COP1: variants seen among roughly 807,000 people sequenced by gnomAD.
The protein encoded by COP1 is E3 ubiquitin-protein ligase COP1.
In COP1, 24 loss-of-function variants were observed where a neutral mutation model predicts 101.3. The observed-to-expected ratio is 0.24, with a 90% CI of 0.17 to 0.33. The LOEUF (loss-of-function observed/expected upper bound fraction) is 0.33, where lower values mean the gene tolerates loss of function less well. Among genes scored for constraint, COP1 ranks in the 10% least tolerant of loss-of-function variants. The pLI is 1.00. For synonymous variants in COP1, 347 were observed against 341.9 expected, an observed-to-expected ratio of 1.01 and a Z score of -0.17; for missense variants, 663 against 906.2, an observed-to-expected ratio of 0.73 and a Z score of 3.45.
intron 2 of COP1, among the ~76,000 whole-genome samples, chr1:176,181,165 T>C (rs1213665400): frequency 6.6e-6 from 1 of 152,212 alleles, no homozygotes; most frequent in Non-Finnish European, 1.5e-5. Flanking sequence ...AAGAAGTTCC[T>C]GCTATATTGT....
In COP1 at chr1:175,945,036, C is replaced by T. The variant is rs1347973888; in HGVS notation, c.*117G>A. Reference sequence around the variant, plus strand: ...AAGAAAAAAATATTCAAAACAAATCCAAAACCCATGATGACTTTGGGGAGA... The same window carrying T: ...AAGAAAAAAATATTCAAAACAAATCTAAAACCCATGATGACTTTGGGGAGA... On this transcript the variant is annotated 3_prime_UTR_variant, in exon 20 of 20. Coordinates refer to ENST00000367669, the MANE Select transcript of COP1 (RefSeq NM_022457.7). 1.2e-6 allele frequency: 1 copy of T among 831,804 alleles called. No individual in the cohort carries two copies. The highest frequency in any genetic ancestry group is 2.6e-5 in the Admixed American group (1 of 38,800). The allele number at this position is 831,804 out of a possible 1,614,324, so 51.5% of individuals were successfully genotyped here. A position where few individuals can be genotyped will look rare whatever the true frequency, so the allele number is the denominator to read the frequency against.
At chr1:176,042,053 A>G (rs964311875) in intron 14 of COP1, among the ~76,000 whole-genome samples, 2 of 152,090 alleles carry the variant, frequency 1.3e-5, no homozygotes, top group Non-Finnish European at 2.9e-5. Flanking sequence ...CAGAGGTTGC[A>G]GTGAGCGGAG....
chr1:176,154,960 TAAAG>T (rs1693223092), intron 5 of COP1, among the ~76,000 whole-genome samples: 1 of 152,110 alleles, frequency 6.6e-6, no homozygotes, highest in African/African-American at 2.4e-5. Context: ...TTATTAGACA[TAAAG>T]AACAAATCCT....
At chr1:176,173,517 G>A (rs892385827) in intron 3 of COP1, among the ~76,000 whole-genome samples, 4 of 150,846 alleles carry the variant, frequency 2.7e-5, no homozygotes, top group Admixed American at 2.6e-4. Flanking sequence ...GCGCATGTCT[G>A]TAGCCCCAGC....
intron 14 of COP1, among the ~76,000 whole-genome samples, chr1:176,032,316 C>G (rs1571810380): frequency 6.6e-6 from 1 of 152,128 alleles, no homozygotes; most frequent in Non-Finnish European, 1.5e-5. Context: ...AGATTAAATA[C>G]AAAGATGTAA....
At chr1:176,099,344 C>A (rs1264339166) in intron 9 of COP1, among the ~76,000 whole-genome samples, 3 of 152,150 alleles carry the variant, frequency 2.0e-5, no homozygotes, top group Admixed American at 1.3e-4. Context: ...ACTAAATGAA[C>A]TGAACTCACC....
At chr1:176,075,500 G>C (rs1677828109) in intron 11 of COP1, among the ~76,000 whole-genome samples, 2 of 152,138 alleles carry the variant, frequency 1.3e-5, no homozygotes, top group African/African-American at 4.8e-5. Flanking sequence ...TGAACACAAA[G>C]TAGCAATTTG....
intron 5 of COP1, among the ~76,000 whole-genome samples, chr1:176,151,080 A>G (rs1692356069): frequency 6.6e-6 from 1 of 152,110 alleles, no homozygotes; most frequent in South Asian, 2.1e-4. Context: ...TTTTAACATG[A>G]AAGTAATCCC....
At position 176,028,430 on chromosome 1, in the gene COP1, T is replaced by C. The variant is rs559682941; in HGVS notation, c.1613-742A>G. 1.6e-4 allele frequency among the ~76,000 whole-genome samples: 24 copies of C among 150,594 alleles called. No individual in the cohort carries two copies. The East Asian group carries it at 3.7e-3, about 23-fold the overall frequency. On this transcript the variant is annotated intron_variant, in intron 14 of 19. Transcript: ENST00000367669. ...AAATACAAAAGTTAGCTGGGCATGG[T>C]GGTGCAGGCCTGTAGTCCTGGCTAC...
At chr1:176,128,074 G>C (rs887049524) in intron 8 of COP1, among the ~76,000 whole-genome samples, 1 of 151,968 alleles carries the variant, frequency 6.6e-6, no homozygotes, top group Non-Finnish European at 1.5e-5. Context: ...TTTAAAAATA[G>C]GGGTGTTTCA....
At chr1:175,948,453 G>C (rs1297223849) in intron 18 of COP1, among the ~76,000 whole-genome samples, 1 of 152,166 alleles carries the variant, frequency 6.6e-6, no homozygotes, top group Non-Finnish European at 1.5e-5. Context: ...TTGAATGTAG[G>C]ATAGGATCTA....
At chr1:176,063,281 C>T (rs1258059609) in intron 11 of COP1, among the ~76,000 whole-genome samples, 1 of 151,270 alleles carries the variant, frequency 6.6e-6, no homozygotes, top group Non-Finnish European at 1.5e-5. Flanking sequence ...AGGATGGTCT[C>T]GATCTCCTGA....
In COP1 at chr1:175,955,495, C is replaced by T. The variant is rs560439124; in HGVS notation, c.2134-8256G>A. On this transcript the variant is annotated intron_variant, in intron 18 of 19. Transcript: ENST00000367669. ...ACTGTATTAGAGGTACAACCCAGTG[C>T]GACAGTCAAGAAAAGGAAAAAGCAT... Among the ~76,000 whole-genome samples the T allele has an allele frequency of 2.4e-4, 36 of 151,906 alleles. 1 individual carries two copies. The highest frequency in any genetic ancestry group is 7.5e-4 in the African/African-American group (31 of 41,416).
intron 1 of COP1, among the ~76,000 whole-genome samples, chr1:176,197,191 G>C (rs1699791966): frequency 6.6e-6 from 1 of 152,140 alleles, no homozygotes; most frequent in Admixed American, 6.5e-5. Context: ...AGGTGACAAA[G>C]CTATGACACA....
Position 176,081,239 on chromosome 1 carries a change from G to C in COP1, c.1190C>G (p.Ser397Cys). ...SQLDEFQECL[S>C]KFTRYNSVRP... ...TACTGAATTATATCGAGTAAACTTG[G>C]ACAAGCATTCCTGAAATTCATCCAA... Residue 397 changes from serine (S) to cysteine (C), a missense_variant, in exon 11 of 20, where the codon TCC (serine) becomes TGC (cysteine). Physicochemically the swap from Ser to Cys is moderately radical, Grantham distance 112. Around this residue, in one of 4 missense-constraint regions of COP1, gnomAD observed 212 missense variants for 240.7 expected, o/e 0.88. Coordinates refer to ENST00000367669, the MANE Select transcript of COP1 (RefSeq NM_022457.7). 2.5e-6 allele frequency: 4 copies of C among 1,605,462 alleles called. No individual in the cohort carries two copies. Among genetic ancestry groups the C allele is most frequent in the African/African-American group, 1.4e-5 (1 of 73,676 alleles).
intron 10 of COP1, among the ~76,000 whole-genome samples, chr1:176,083,239 T>C (rs1429770325): frequency 3.3e-5 from 5 of 152,196 alleles, no homozygotes; most frequent in Middle Eastern, 3.2e-3. Flanking sequence ...AAAAACTGTT[T>C]CAATGTTATC....
chr1:176,180,964 C>T (rs530218415), intron 2 of COP1, among the ~76,000 whole-genome samples: 13 of 152,044 alleles, frequency 8.6e-5, no homozygotes, highest in Admixed American at 5.2e-4. Flanking sequence ...TGTAATGAAG[C>T]GAAATAGTAA....
At chr1:176,136,574 C>CAA (rs373330844) in intron 6 of COP1, 27 bp from the exon 7 acceptor site, 249 of 1,193,140 alleles carry the variant, frequency 2.1e-4, no homozygotes, top group Non-Finnish European at 2.5e-4. Flanking sequence ...GAGAGAAAGA[C>CAA]AAAAAAAAAA....
At chr1:176,205,875 G>A (rs1448434568) in intron 1 of COP1, among the ~76,000 whole-genome samples, 3 of 152,216 alleles carry the variant, frequency 2.0e-5, no homozygotes, top group African/African-American at 7.2e-5. Context: ...ACACAGGGAT[G>A]TTATTTAACA....
Sources: allele counts gnomAD v4.1 joint callset (sites outside exome capture counted in the v4.1 genomes callset), GRCh38; gene constraint gnomAD v4.1.1; regional missense constraint gnomAD v4.1.1; transcripts MANE v1.5; gene names NCBI Gene and HGNC (gene_info 2026-07-23, HGNC 2026-07-21).